MTRR: variants seen among roughly 807,000 people sequenced by gnomAD.
MTRR encodes methionine synthase reductase.
Under a neutral mutation model 79.2 loss-of-function variants are expected in MTRR, and 63 were observed. The observed-to-expected ratio is 0.80, with a 90% CI of 0.65 to 0.98. The LOEUF (loss-of-function observed/expected upper bound fraction) is 0.98, where lower values mean the gene tolerates loss of function less well. MTRR is among the 50% of genes least tolerant of loss of function. The pLI, the probability that MTRR is intolerant of heterozygous loss-of-function variation, is 0.00. For synonymous variants in MTRR, 355 were observed against 313.3 expected (o/e 1.13, Z -1.41); for missense variants, 895 against 839.6 (o/e 1.07, Z -0.82).
intron 1 of MTRR, among the ~76,000 whole-genome samples, chr5:7,855,289 T>C (rs200820633): frequency 1.3e-5 from 2 of 152,104 alleles, no homozygotes; most frequent in East Asian, 3.9e-4. Context: ...TAATAACTAA[T>C]TTTGTTATTT....
chr5:7,868,835 C>T, upstream of MTRR: 1 of 517,452 alleles, frequency 1.9e-6, no homozygotes, highest in Non-Finnish European at 3.5e-6. Context: ...ATGAAAGGGA[C>T]CCGCGGGGCG....
chr5:7,873,409 G>A lies in MTRR; in HGVS notation c.166G>A (p.Val56Met), dbSNP rs761061866. 70 of 1,614,024 alleles carry A rather than the reference G, an allele frequency of 4.3e-5. No homozygotes were observed. The highest frequency in any genetic ancestry group is 5.5e-5 in the Non-Finnish European group (65 of 1,180,030). ...AACCGAAACAGCTCCTCTTGTTGTT[G>A]TGGTTTCTACCACGGGCACCGGAGA... Reference protein sequence around the residue: ...LKTETAPLVVVVSTTGTGDPP... With the variant: ...LKTETAPLVVMVSTTGTGDPP... The change falls in exon 3 of 15, where the codon GTG becomes ATG. Residue 56 changes from valine to methionine, a missense_variant. By Grantham distance (21) the Val-to-Met change is conservative. Coordinates refer to ENST00000440940, the MANE Select transcript of MTRR (RefSeq NM_002454.3).
At chr5:7,898,888 C>G (rs1022911667) in intron 14 of MTRR, among the ~76,000 whole-genome samples, 1 of 152,126 alleles carries the variant, frequency 6.6e-6, no homozygotes, top group Non-Finnish European at 1.5e-5. Context: ...ATTAGTTTTT[C>G]TGTTGAGGAA....
intron 1 of MTRR, among the ~76,000 whole-genome samples, chr5:7,858,107 C>G (rs1019349524): frequency 8.5e-5 from 13 of 152,148 alleles, no homozygotes; most frequent in African/African-American, 2.7e-4. Flanking sequence ...CAAAAATTAG[C>G]TGAGTCATAG....
In MTRR at chr5:7,885,813, A is replaced by G. The variant is rs771787194; in HGVS notation, c.1016A>G (p.His339Arg). ...CTGCAGCTTGAAGATAAAAGAGAGC[A>G]CTGCGTCCTTTTGAAAATAAAGGCA... ...QRLQLEDKRE[H>R]CVLLKIKADT... The change falls in exon 7 of 15, where the codon CAC becomes CGC. Residue 339 changes from histidine to arginine, a missense_variant. Coordinates refer to ENST00000440940, the MANE Select transcript of MTRR (RefSeq NM_002454.3). The G allele has an allele frequency of 6.2e-6, 10 of 1,614,170 alleles. No homozygotes were observed. Among genetic ancestry groups the G allele is most frequent in the South Asian group, 5.5e-5 (5 of 91,086 alleles).
intron 1 of MTRR, 118 bp downstream of exon 1, chr5:7,869,333 C>T: frequency 2.4e-6 from 3 of 1,236,558 alleles, no homozygotes; most frequent in Non-Finnish European, 3.4e-6. Flanking sequence ...GTTCCCACGC[C>T]CTTCGGCCTC....
intron 2 of MTRR, among the ~76,000 whole-genome samples, chr5:7,871,234 G>A (rs1355655264): frequency 2.0e-5 from 3 of 151,872 alleles, no homozygotes; most frequent in Admixed American, 1.3e-4. Flanking sequence ...GTGTTTGCCT[G>A]CTCAGGTGTG....
intron 5 of MTRR, among the ~76,000 whole-genome samples, chr5:7,880,726 A>G (rs1256962875): frequency 6.6e-6 from 1 of 152,158 alleles, no homozygotes; most frequent in African/African-American, 2.4e-5. Context: ...TCTTAACGTC[A>G]TAGGCCAATA....
Position 7,896,509 on chromosome 5 carries a change from C to G in MTRR, c.1677-355C>G, listed in dbSNP as rs532637049. The G allele has an allele frequency of 1.6e-3, 532 of 327,150 alleles. 5 individuals are homozygous for G. The highest frequency in any genetic ancestry group is 0.011 in the African/African-American group (507 of 46,956). 20.3% of individuals were successfully genotyped at this position (327,150 alleles called of 1,614,324 possible). A position where few individuals can be genotyped will look rare whatever the true frequency, so the allele number is the denominator to read the frequency against. ...TTCGTAGACACTTTACACATTCTGCCTTTAACAGCCCTGAGCCACTTTTCC... is the reference window on the plus strand; with the variant it reads ...TTCGTAGACACTTTACACATTCTGCGTTTAACAGCCCTGAGCCACTTTTCC... On this transcript the variant is annotated intron_variant, in intron 12 of 14. Coordinates refer to ENST00000440940, the MANE Select transcript of MTRR (RefSeq NM_002454.3).
Position 7,885,963 on chromosome 5 carries a change from G to C in MTRR, c.1057+109G>C, listed in dbSNP as rs1009571251. 3.8e-5 allele frequency: 54 copies of C among 1,429,642 alleles called. No individual in the cohort carries two copies. In the Admixed American group the frequency reaches 6.1e-4, roughly 16 times the overall value. 88.6% of individuals were successfully genotyped at this position (1,429,642 alleles called of 1,614,324 possible). ...GGTCCTGTGTGTTGGCCGCACAGAT[G>C]CCTGGGGCTCAGCTGCGCATCAAGG... On this transcript the variant is annotated intron_variant, in intron 7 of 14. Transcript: ENST00000440940.
Position 7,900,278 on chromosome 5 carries a change from C to T in MTRR, c.*220C>T. 3.6e-6 allele frequency: 2 copies of T among 552,414 alleles called. No homozygotes were observed. Among genetic ancestry groups the T allele is most frequent in the Non-Finnish European group, 6.3e-6 (2 of 319,974 alleles). The allele number at this position is 552,414 out of a possible 1,614,324, so 34.2% of individuals were successfully genotyped here. A position where few individuals can be genotyped will look rare whatever the true frequency, so the allele number is the denominator to read the frequency against. ...CCCTTCCTGTGCCTGTGACTCTCCCCAAATTGCCCTGTTGCCTTGAGCTCT... is the reference window on the plus strand; with the variant it reads ...CCCTTCCTGTGCCTGTGACTCTCCCTAAATTGCCCTGTTGCCTTGAGCTCT... On this transcript the variant is annotated 3_prime_UTR_variant, in exon 15 of 15. Transcript: ENST00000440940.
rs553614658 is a variant in MTRR, at chr5:7,895,975, C to T, written c.1676+123C>T. The T allele has an allele frequency of 5.0e-5, 62 of 1,236,680 alleles. No homozygotes were observed. In the East Asian group the frequency reaches 1.0e-3, roughly 20 times the overall value. 76.6% of individuals were successfully genotyped at this position (1,236,680 alleles called of 1,614,324 possible). ...ATTTAAAAAATTATTATTCAATGTG[C>T]GATAACATAATTTGTCACCATGGGA... On this transcript the variant is annotated intron_variant, in intron 12 of 14. Transcript: ENST00000440940.
At chr5:7,882,985 T>G (rs1735814718) in intron 5 of MTRR, among the ~76,000 whole-genome samples, 170 bp from the exon 6 acceptor site, 1 of 152,256 alleles carries the variant, frequency 6.6e-6, no homozygotes, top group South Asian at 2.1e-4. Flanking sequence ...GAATTGAGCT[T>G]CTCTTCTGAA....
intron 14 of MTRR, among the ~76,000 whole-genome samples, chr5:7,899,019 G>T (rs1739015174): frequency 6.6e-6 from 1 of 152,226 alleles, no homozygotes; most frequent in Non-Finnish European, 1.5e-5. Context: ...AGAAGGCAAA[G>T]GGGGAGCAGG....
At chr5:7,851,188 C>A, upstream of MTRR, 1 of 760,314 alleles carries the variant, frequency 1.3e-6, no homozygotes, top group Non-Finnish European at 1.8e-6. Flanking sequence ...TGCCCTGCAG[C>A]ATTCCCGCTC....
chr5:7,870,075 A>G lies in MTRR; in HGVS notation c.-25-695A>G, dbSNP rs140047002. 57 of 985,222 alleles carry G rather than the reference A, an allele frequency of 5.8e-5. No homozygotes were observed. In the African/African-American group the frequency reaches 9.4e-4, roughly 16 times the overall value. The allele number at this position is 985,222 out of a possible 1,614,324, so 61.0% of individuals were successfully genotyped here. A position where few individuals can be genotyped will look rare whatever the true frequency, so the allele number is the denominator to read the frequency against. On this transcript the variant is annotated intron_variant, in intron 1 of 14. Transcript: ENST00000440940. ...AAAATCTGTGAGTGTCGTTTGTTTT[A>G]CTACTGCTTATCTCTTGCGGAAAAA... is the stretch of plus-strand genomic sequence containing the variant.
At chr5:7,890,528 C>A in intron 9 of MTRR, 1 of 478,924 alleles carries the variant, frequency 2.1e-6, no homozygotes, top group Non-Finnish European at 2.7e-6. Flanking sequence ...AACAATACCA[C>A]ATTACGTAGT....
intron 1 of MTRR, chr5:7,861,370 G>T: frequency 1.6e-6 from 1 of 618,182 alleles, no homozygotes; most frequent in Non-Finnish European, 2.6e-6. Flanking sequence ...ATTACTATGT[G>T]CCAATATTAT....
intron 14 of MTRR, among the ~76,000 whole-genome samples, chr5:7,899,468 A>G (rs1055622811): frequency 1.6e-4 from 24 of 152,232 alleles, no homozygotes; most frequent in Admixed American, 1.6e-3. Context: ...TAAGTCCTCA[A>G]TAAAGGTGTC....
Sources: gnomAD v4.1 joint callset for allele counts (sites outside exome capture counted in the v4.1 genomes callset) on GRCh38, gnomAD v4.1.1 for gene constraint, MANE v1.5 for transcripts, NCBI Gene and HGNC (gene_info 2026-07-23, HGNC 2026-07-21) for gene names.